NEK7: variants seen among roughly 807,000 people sequenced by gnomAD.
The protein encoded by NEK7 is NIMA related kinase 7, also known as serine/threonine-protein kinase Nek7.
Under a neutral mutation model 44.6 loss-of-function variants are expected in NEK7, and 18 were observed. The observed-to-expected ratio is 0.40, with a 90% confidence interval of 0.28 to 0.60. NEK7 has a LOEUF of 0.60. Ranked by LOEUF, NEK7 falls within the 20% of genes least tolerant of loss-of-function variation. The probability of loss-of-function intolerance (pLI) is 0.38; values close to 1 mark genes in which losing one functional copy is unlikely to be tolerated. For synonymous variants in NEK7, 130 were observed against 121.1 expected, an observed-to-expected ratio of 1.07 and a Z score of -0.48; for missense variants, 256 against 366.5, an observed-to-expected ratio of 0.70 and a Z score of 2.46.
chr1:198,164,463 T>C (rs1382110548), intron 1 of NEK7, among the ~76,000 whole-genome samples: 1 of 152,188 alleles, frequency 6.6e-6, no homozygotes, highest in Non-Finnish European at 1.5e-5. Flanking sequence ...TTCAGAGATA[T>C]TGCAGGTTCT....
At chr1:198,232,050 A>G (rs1666412456) in intron 1 of NEK7, among the ~76,000 whole-genome samples, 1 of 152,154 alleles carries the variant, frequency 6.6e-6, no homozygotes, top group Non-Finnish European at 1.5e-5. Context: ...ATGCTTTATA[A>G]TTACAAAGTA....
intron 9 of NEK7, among the ~76,000 whole-genome samples, chr1:198,314,376 G>A (rs560348827): frequency 8.2e-4 from 125 of 152,224 alleles, no homozygotes; most frequent in Non-Finnish European, 1.5e-3. Context: ...CCTTTGGTTT[G>A]AATGTCCTCC....
At chr1:198,196,534 T>A (rs1313415270) in intron 1 of NEK7, among the ~76,000 whole-genome samples, 1 of 152,102 alleles carries the variant, frequency 6.6e-6, no homozygotes, top group Non-Finnish European at 1.5e-5. Flanking sequence ...TACAAAGGGG[T>A]TTATTTTTCT....
At chr1:198,169,476 T>A (rs973183588) in intron 1 of NEK7, among the ~76,000 whole-genome samples, 2 of 152,208 alleles carry the variant, frequency 1.3e-5, no homozygotes, top group African/African-American at 4.8e-5. Context: ...TGTACCATAT[T>A]GCCTGACTCA....
intron 9 of NEK7, among the ~76,000 whole-genome samples, chr1:198,315,082 G>T (rs12046569): frequency 4.6e-5 from 7 of 152,062 alleles, no homozygotes; most frequent in Non-Finnish European, 2.9e-5. Context: ...TAGCAATCAG[G>T]GAGACTCCAT....
In NEK7 at chr1:198,253,092, A is replaced by T; in HGVS notation, c.110A>T (p.Glu37Val). ...GYNTLANFRIEKKIGRGQFSE... is the reference protein window; with the variant it reads ...GYNTLANFRIVKKIGRGQFSE... Reference sequence around the variant, plus strand: ...AATACATTAGCCAACTTTCGAATAGAAAAGAAAATTGGTCGCGGACAATTT... The same window carrying T: ...AATACATTAGCCAACTTTCGAATAGTAAAGAAAATTGGTCGCGGACAATTT... The change falls in exon 3 of 10, where the codon GAA becomes GTA. Residue 37 changes from glutamate to valine, a missense_variant. By Grantham distance (121) the Glu-to-Val change is moderately radical. This residue lies in a region of NEK7 where 96 missense variants were observed against 94.9 expected (regional missense o/e 1.01). Transcript: ENST00000367385. 6.2e-7 allele frequency: 1 copy of T among 1,612,728 alleles called. No individual in the cohort carries two copies. The highest frequency in any genetic ancestry group is 8.5e-7 in the Non-Finnish European group (1 of 1,178,984).
At chr1:198,211,922 G>A (rs772332064) in intron 1 of NEK7, among the ~76,000 whole-genome samples, 3 of 152,202 alleles carry the variant, frequency 2.0e-5, no homozygotes, top group South Asian at 2.1e-4. Context: ...GTCTTCAGAC[G>A]GTGACACACA....
At chr1:198,159,118 C>G (rs1052562333) in intron 1 of NEK7, among the ~76,000 whole-genome samples, 5 of 152,198 alleles carry the variant, frequency 3.3e-5, no homozygotes, top group African/African-American at 1.2e-4. Flanking sequence ...CCGCTGGGTG[C>G]CGGGAGGCTC....
intron 1 of NEK7, among the ~76,000 whole-genome samples, chr1:198,218,289 C>T (rs1031547824): frequency 2.0e-5 from 3 of 151,670 alleles, no homozygotes; most frequent in Admixed American, 6.6e-5. Flanking sequence ...AACTGATCTT[C>T]GACAAAGAAT....
chr1:198,298,740 A>C (rs1654787514), intron 9 of NEK7, among the ~76,000 whole-genome samples: 1 of 152,162 alleles, frequency 6.6e-6, no homozygotes, highest in Admixed American at 6.5e-5. Context: ...ACATATCTGC[A>C]TCCTCATCCC....
chr1:198,279,966 T>C (rs1654144617), intron 7 of NEK7, among the ~76,000 whole-genome samples: 1 of 152,068 alleles, frequency 6.6e-6, no homozygotes, highest in South Asian at 2.1e-4. Context: ...TATCCTAATT[T>C]CAAGAGTGTT....
intron 9 of NEK7, among the ~76,000 whole-genome samples, chr1:198,307,281 T>C (rs1343579957): frequency 1.3e-5 from 2 of 152,158 alleles, no homozygotes; most frequent in Non-Finnish European, 2.9e-5. Context: ...TTGAGTAATG[T>C]ACTAAGCAGT....
chr1:198,172,205 C>T (rs1402107173), intron 1 of NEK7, among the ~76,000 whole-genome samples: 1 of 152,156 alleles, frequency 6.6e-6, no homozygotes, highest in Non-Finnish European at 1.5e-5. Flanking sequence ...TGGATTGGTG[C>T]TCTGAATAGA....
intron 9 of NEK7, among the ~76,000 whole-genome samples, chr1:198,309,565 G>GTA (rs199889143): frequency 0.15 from 22,310 of 151,032 alleles, 1,945 homozygotes; most frequent in East Asian, 0.43. Flanking sequence ...CTAGCATTAG[G>GTA]TATATCTCCC....
chr1:198,279,071 A>T lies in NEK7; in HGVS notation c.589+10A>T. The T allele has an allele frequency of 6.6e-7, 1 of 1,523,324 alleles. No individual in the cohort carries two copies. The highest frequency in any genetic ancestry group is 1.4e-5 in the African/African-American group (1 of 73,096). The allele number at this position is 1,523,324 out of a possible 1,614,324, so 94.4% of individuals were successfully genotyped here. ...GCTGCACATTCTTTAGGTAAGAGAC[A>T]CAATATAATTTCATTCAGTTACTTT... On this transcript the variant is annotated intron_variant, in intron 7 of 9. Coordinates refer to ENST00000367385, the MANE Select transcript of NEK7 (RefSeq NM_133494.3).
intron 9 of NEK7, among the ~76,000 whole-genome samples, chr1:198,298,888 C>T (rs1571614262): frequency 6.6e-6 from 1 of 152,290 alleles, no homozygotes; most frequent in Non-Finnish European, 1.5e-5. Context: ...ATGATGATAC[C>T]ACTAGTGGTT....
chr1:198,286,549 CA>C (rs1207408160), intron 7 of NEK7, among the ~76,000 whole-genome samples: 1 of 151,960 alleles, frequency 6.6e-6, no homozygotes, highest in African/African-American at 2.4e-5. Context: ...ATGCATGAAT[CA>C]TTAACACGTT....
chr1:198,275,841 A>G (rs1654002069), intron 5 of NEK7, among the ~76,000 whole-genome samples: 1 of 151,428 alleles, frequency 6.6e-6, no homozygotes, highest in South Asian at 2.1e-4. Context: ...TTCTCAAAAA[A>G]CAAAAAAAAA....
At chr1:198,265,179 CACA>C (rs1253089743) in intron 5 of NEK7, among the ~76,000 whole-genome samples, 2 of 152,016 alleles carry the variant, frequency 1.3e-5, no homozygotes, top group African/African-American at 4.8e-5. Flanking sequence ...CTGCCTGTCA[CACA>C]ACATTTTCAA....
Sources: gnomAD v4.1 joint callset for allele counts (sites outside exome capture counted in the v4.1 genomes callset) on GRCh38, gnomAD v4.1.1 for gene constraint, gnomAD v4.1.1 regional missense constraint, MANE v1.5 for transcripts, NCBI Gene and HGNC (gene_info 2026-07-23, HGNC 2026-07-21) for gene names.